Variants in FARP1 observed in about 807,000 individuals in gnomAD.
FARP1 encodes FERM, ARHGEF and pleckstrin domain-containing protein 1.
FARP1 carries 52 observed loss-of-function variants against 128.8 expected under a neutral mutation model. That is an observed-to-expected ratio of 0.40 (90% CI 0.32 to 0.51). The LOEUF (loss-of-function observed/expected upper bound fraction) is 0.51, where lower values mean the gene tolerates loss of function less well. Ranked by LOEUF, FARP1 falls within the 20% of genes least tolerant of loss-of-function variation. The probability of loss-of-function intolerance (pLI) is 0.45; values close to 1 mark genes in which losing one functional copy is unlikely to be tolerated. For missense variants in FARP1, 1,333 were observed against 1,367.9 expected (o/e 0.97, Z 0.40); for synonymous variants, 580 against 551.8 (o/e 1.05, Z -0.72).
intron 13 of FARP1, 119 bp downstream of exon 13, chr13:98,395,595 C>A: frequency 8.4e-7 from 1 of 1,187,702 alleles, no homozygotes; most frequent in Non-Finnish European, 1.2e-6. Context: ...GGTCCCGATC[C>A]CGGTCCCGGT....
intron 6 of FARP1, among the ~76,000 whole-genome samples, chr13:98,379,113 TC>T (rs1889759429): frequency 1.1e-5 from 1 of 93,404 alleles, no homozygotes; most frequent in East Asian, 2.6e-4. Flanking sequence ...TAATATATAA[TC>T]TATATATAAT....
chr13:98,378,116 CT>C (rs1455733197), intron 6 of FARP1, among the ~76,000 whole-genome samples, 198 bp downstream of exon 6: 1 of 152,206 alleles, frequency 6.6e-6, no homozygotes, highest in Non-Finnish European at 1.5e-5. Context: ...CAAATGTTAA[CT>C]CTTGTACTTT....
intron 24 of FARP1, among the ~76,000 whole-genome samples, chr13:98,442,529 TC>T (rs1270304779): frequency 2.6e-5 from 4 of 152,180 alleles, no homozygotes; most frequent in African/African-American, 9.6e-5. Context: ...CCCATGGGGT[TC>T]CCCTGAGTGT....
chr13:98,276,388 T>C (rs1198188489), intron 2 of FARP1, among the ~76,000 whole-genome samples: 2 of 152,172 alleles, frequency 1.3e-5, no homozygotes, highest in African/African-American at 2.4e-5. Context: ...CTGCCCTGTT[T>C]ATGGAGTTGT....
At chr13:98,361,255 G>T (rs1179269511) in intron 3 of FARP1, among the ~76,000 whole-genome samples, 1 of 152,196 alleles carries the variant, frequency 6.6e-6, no homozygotes, top group African/African-American at 2.4e-5. Context: ...TTGCGTTGGG[G>T]TGTGATCGGC....
chr13:98,431,391 G>T, intron 18 of FARP1, 111 bp downstream of exon 18: 1 of 658,254 alleles, frequency 1.5e-6, no homozygotes. Context: ...GTCAGCTGAT[G>T]CTGGGTCCCA....
chr13:98,395,364 CGCGG>C lies in FARP1; in HGVS notation c.1304_1307del (p.Ala435ValfsTer39). The C allele has an allele frequency of 6.2e-7, 1 of 1,611,832 alleles. No homozygotes were observed. The highest frequency in any genetic ancestry group is 8.5e-7 in the Non-Finnish European group (1 of 1,179,116). Reference sequence around the variant, plus strand: ...CGAGCCCTGCGCCGAGGAGAAGCCCCGCGGGTAACAAGCAGGCGGACGGAGCCGC... The same window carrying C: ...CGAGCCCTGCGCCGAGGAGAAGCCCCGTAACAAGCAGGCGGACGGAGCCGC... On this transcript the variant is annotated frameshift_variant, in exon 13 of 27. Transcript: ENST00000319562. LOFTEE classifies it high-confidence loss of function.
intron 10 of FARP1, 30 bp downstream of exon 10, chr13:98,390,150 C>G: frequency 1.2e-6 from 2 of 1,605,150 alleles, no homozygotes; most frequent in African/African-American, 1.3e-5. Context: ...CCTCTGTTTG[C>G]TGGGTGCACG....
At chr13:98,398,692 A>T (rs548092195) in intron 13 of FARP1, 9 of 152,330 alleles carry the variant, frequency 5.9e-5, no homozygotes, top group African/African-American at 1.9e-4. Context: ...ATTTTTGCAT[A>T]ATCTGTTCAG....
Position 98,454,473 on chromosome 13 carries a change from A to G in FARP1, c.*6156A>G, listed in dbSNP as rs547226369. On this transcript the variant is annotated 3_prime_UTR_variant, in exon 27 of 27. Transcript: ENST00000319562. ...TTGAAATACTTGGCATCTCTCCCAGAGAACAAATGGTTACATAAGGTCCTC... is the reference window on the plus strand; with the variant it reads ...TTGAAATACTTGGCATCTCTCCCAGGGAACAAATGGTTACATAAGGTCCTC... 6.6e-6 allele frequency: 1 copy of G among 152,338 alleles called. No individual in the cohort carries two copies. Among genetic ancestry groups the G allele is most frequent in the Admixed American group, 6.5e-5 (1 of 15,306 alleles). The allele number at this position is 152,338 out of a possible 1,614,324, so 9.4% of individuals were successfully genotyped here.
chr13:98,414,095 C>T (rs543636766), intron 16 of FARP1, among the ~76,000 whole-genome samples: 37 of 152,224 alleles, frequency 2.4e-4, no homozygotes, highest in African/African-American at 8.2e-4. Flanking sequence ...GAGTAAATGC[C>T]GTACGCGTGG....
intron 2 of FARP1, among the ~76,000 whole-genome samples, chr13:98,335,798 G>T (rs754410055): frequency 6.6e-6 from 1 of 152,164 alleles, no homozygotes; most frequent in Non-Finnish European, 1.5e-5. Flanking sequence ...GTCGAGAGTT[G>T]GTGGGTTATA....
chr13:98,282,042 C>T (rs1468110540), intron 2 of FARP1, among the ~76,000 whole-genome samples: 1 of 152,180 alleles, frequency 6.6e-6, no homozygotes, highest in Admixed American at 6.5e-5. Context: ...CAGTGGCTCA[C>T]GCCTATAATC....
chr13:98,275,678 G>C (rs73558910), intron 2 of FARP1, among the ~76,000 whole-genome samples: 2,567 of 141,468 alleles, frequency 0.018, 74 homozygotes, highest in African/African-American at 0.062. Flanking sequence ...GAACGATTGT[G>C]ACAATTAGTT....
chr13:98,317,135 A>C (rs140798728), intron 2 of FARP1, among the ~76,000 whole-genome samples: 1 of 152,324 alleles, frequency 6.6e-6, no homozygotes, highest in African/African-American at 2.4e-5. Context: ...GTTGCTGCCA[A>C]GAAGATGGGT....
rs556404019 is a variant in FARP1 at position 98,254,853 on chromosome 13, A to T, written c.171+41440A>T. Among the ~76,000 whole-genome samples, 5 of 152,336 alleles carry T rather than the reference A, an allele frequency of 3.3e-5. No homozygotes were observed. The South Asian group carries it at 1.0e-3, about 32-fold the overall frequency. On this transcript the variant is annotated intron_variant, in intron 2 of 26. Transcript: ENST00000319562. ...GGAAAGCAATGATGGGATATTCAGG[A>T]ACCATTTCATGGAGAAGAACCACTA...
At chr13:98,365,462 A>AGCT in intron 4 of FARP1, 25 bp downstream of exon 4, 1 of 1,540,220 alleles carries the variant, frequency 6.5e-7, no homozygotes, top group Non-Finnish European at 9.0e-7. Flanking sequence ...TATGTTTAAT[A>AGCT]GTGATGTGAA....
chr13:98,391,249 T>C (rs1890293492), intron 11 of FARP1, among the ~76,000 whole-genome samples: 1 of 152,214 alleles, frequency 6.6e-6, no homozygotes, highest in South Asian at 2.1e-4. Flanking sequence ...AACATTTTAA[T>C]TAAATCAAGT....
intron 1 of FARP1, among the ~76,000 whole-genome samples, chr13:98,188,080 G>C (rs543109706): frequency 6.6e-6 from 1 of 152,166 alleles, no homozygotes; most frequent in South Asian, 2.1e-4. Flanking sequence ...TCTGCTGAGC[G>C]TGAGTTGGCA....
Sources: allele counts gnomAD v4.1 joint callset (sites outside exome capture counted in the v4.1 genomes callset), GRCh38; gene constraint gnomAD v4.1.1; transcripts MANE v1.5; gene names NCBI Gene and HGNC (gene_info 2026-07-23, HGNC 2026-07-21).